Variants in ZC2HC1A observed in about 807,000 individuals in gnomAD.
ZC2HC1A encodes the protein zinc finger C2HC-type containing 1A.
Under a neutral mutation model 40.7 loss-of-function variants are expected in ZC2HC1A, and 28 were observed. The observed-to-expected ratio is 0.69, with a 90% CI of 0.51 to 0.94. ZC2HC1A has a LOEUF of 0.94. ZC2HC1A is among the 40% of genes least tolerant of loss of function. The pLI is 0.00. For missense variants in ZC2HC1A, 389 were observed against 386.3 expected, an observed-to-expected ratio of 1.01 and a Z score of -0.06; for synonymous variants, 129 against 129.2, an observed-to-expected ratio of 1.00 and a Z score of 0.01.
chr8:78,716,806 G>C (rs927476601), intron 8 of ZC2HC1A, among the ~76,000 whole-genome samples: 1 of 152,126 alleles, frequency 6.6e-6, no homozygotes, highest in Non-Finnish European at 1.5e-5. Flanking sequence ...ATTGGATCAT[G>C]GGGGTGGACT....
At chr8:78,709,956 A>G (rs1038709932) in intron 7 of ZC2HC1A, among the ~76,000 whole-genome samples, 1 of 152,156 alleles carries the variant, frequency 6.6e-6, no homozygotes, top group Non-Finnish European at 1.5e-5. Flanking sequence ...AGTACTTGCT[A>G]CACTCCTACA....
intron 7 of ZC2HC1A, among the ~76,000 whole-genome samples, chr8:78,710,287 A>G (rs1385159876): frequency 2.6e-5 from 4 of 152,166 alleles, no homozygotes; most frequent in Non-Finnish European, 5.9e-5. Context: ...TTTTGAATGT[A>G]CATATATATA....
chr8:78,674,316 T>C (rs1809514503), intron 1 of ZC2HC1A, among the ~76,000 whole-genome samples: 1 of 152,210 alleles, frequency 6.6e-6, no homozygotes. Context: ...TATGTGGTGC[T>C]TTTTAATATT....
intron 5 of ZC2HC1A, among the ~76,000 whole-genome samples, chr8:78,695,109 A>G (rs1201277871): frequency 6.6e-6 from 1 of 152,184 alleles, no homozygotes; most frequent in Non-Finnish European, 1.5e-5. Context: ...GGGGAGGTGA[A>G]TAATGTTTTA....
intron 7 of ZC2HC1A, among the ~76,000 whole-genome samples, chr8:78,699,180 G>C (rs1025299862): frequency 1.3e-5 from 2 of 152,148 alleles, no homozygotes; most frequent in African/African-American, 4.8e-5. Flanking sequence ...GATAGAAGCA[G>C]TGGGGTGATT....
intron 5 of ZC2HC1A, among the ~76,000 whole-genome samples, chr8:78,697,023 G>C (rs547179536): frequency 6.6e-6 from 1 of 152,250 alleles, no homozygotes; most frequent in South Asian, 2.1e-4. Flanking sequence ...TAGCAGTGGA[G>C]CATCTGAGAG....
chr8:78,697,783 A>G (rs1810475062), intron 6 of ZC2HC1A, among the ~76,000 whole-genome samples: 1 of 150,752 alleles, frequency 6.6e-6, no homozygotes, highest in African/African-American at 2.4e-5. Context: ...GGTTCAAATG[A>G]TTCTCCTGCC....
intron 2 of ZC2HC1A, among the ~76,000 whole-genome samples, chr8:78,677,648 CT>C (rs76888359): frequency 0.09 from 13,297 of 147,948 alleles, 738 homozygotes; most frequent in East Asian, 0.28. Flanking sequence ...TTAGTGGAGA[CT>C]TTTTTTTTTG....
At chr8:78,667,188 T>C (rs974147509) in intron 1 of ZC2HC1A, among the ~76,000 whole-genome samples, 1 of 152,224 alleles carries the variant, frequency 6.6e-6, no homozygotes, top group African/African-American at 2.4e-5. Context: ...CGGTAACTTT[T>C]TCAGTCACCT....
At chr8:78,680,072 T>A (rs1436074789) in intron 3 of ZC2HC1A, among the ~76,000 whole-genome samples, 1 of 152,144 alleles carries the variant, frequency 6.6e-6, no homozygotes, top group Non-Finnish European at 1.5e-5. Flanking sequence ...AATGTAATTA[T>A]GCTTCTGTTC....
intron 5 of ZC2HC1A, among the ~76,000 whole-genome samples, chr8:78,696,953 T>C (rs899295894): frequency 1.3e-5 from 2 of 152,350 alleles, no homozygotes. Flanking sequence ...GAGGAAGTTT[T>C]TTCCGTTAGA....
intron 2 of ZC2HC1A, 71 bp downstream of exon 2, chr8:78,675,934 C>T: frequency 7.5e-7 from 1 of 1,340,702 alleles, no homozygotes; most frequent in East Asian, 2.4e-5. Flanking sequence ...GGTCAATTCT[C>T]ATGGGAAGAA....
chr8:78,703,306 A>G (rs1415854916), intron 7 of ZC2HC1A, among the ~76,000 whole-genome samples: 1 of 152,158 alleles, frequency 6.6e-6, no homozygotes, highest in Non-Finnish European at 1.5e-5. Flanking sequence ...TCCAGTGCTG[A>G]GTTCAGGTCC....
intron 3 of ZC2HC1A, among the ~76,000 whole-genome samples, chr8:78,679,788 T>C (rs1418385693): frequency 6.6e-6 from 1 of 152,184 alleles, no homozygotes; most frequent in Non-Finnish European, 1.5e-5. Flanking sequence ...TAAAAAATCA[T>C]TTGATGATAG....
At chr8:78,710,518 T>G (rs1810919622) in intron 7 of ZC2HC1A, among the ~76,000 whole-genome samples, 2 of 152,096 alleles carry the variant, frequency 1.3e-5, no homozygotes, top group African/African-American at 4.8e-5. Flanking sequence ...TGACCATTTC[T>G]TATCATATAA....
In ZC2HC1A at chr8:78,689,130, A is replaced by G. The variant is rs928769144; in HGVS notation, c.353-92A>G. The G allele has an allele frequency of 8.3e-6, 8 of 965,502 alleles. No individual in the cohort carries two copies. In the African/African-American group the frequency reaches 1.4e-4, roughly 16 times the overall value. 59.8% of individuals were successfully genotyped at this position (965,502 alleles called of 1,614,324 possible). A position where few individuals can be genotyped will look rare whatever the true frequency, so the allele number is the denominator to read the frequency against. ...TTGCTTATCAGATGTTATTACTTAT[A>G]TTTTTTGAATGACTGCATAGAAACT... On this transcript the variant is annotated intron_variant, in intron 4 of 8. Coordinates refer to ENST00000263849, the MANE Select transcript of ZC2HC1A (RefSeq NM_016010.3).
In ZC2HC1A at chr8:78,678,654, C is replaced by T. The variant is rs750302785; in HGVS notation, c.185C>T (p.Pro62Leu). 11 of 1,610,716 alleles carry T rather than the reference C, an allele frequency of 6.8e-6. No homozygotes were observed. Among genetic ancestry groups the T allele is most frequent in the Non-Finnish European group, 9.3e-6 (11 of 1,178,736 alleles). ...CAGAGAGCTGAAGGAACTGATATTC[C>T]AACAGTAAAACCTCTCAAACCGAGG... ...SRQRAEGTDI[P>L]TVKPLKPRPE... The change falls in exon 3 of 9, where the codon CCA (proline) becomes CTA (leucine). Residue 62 changes from proline (P) to leucine (L), a missense_variant. Physicochemically the swap from Pro to Leu is moderately conservative, Grantham distance 98. Transcript: ENST00000263849.
intron 3 of ZC2HC1A, among the ~76,000 whole-genome samples, chr8:78,684,330 G>T (rs915019303): frequency 1.3e-5 from 2 of 152,194 alleles, no homozygotes; most frequent in Non-Finnish European, 2.9e-5. Flanking sequence ...AGAATCAAAG[G>T]CACATCTTAC....
At chr8:78,683,552 G>A (rs139685547) in intron 3 of ZC2HC1A, among the ~76,000 whole-genome samples, 3 of 152,222 alleles carry the variant, frequency 2.0e-5, no homozygotes, top group African/African-American at 4.8e-5. Context: ...ACAGTAGGGG[G>A]GCCCTGGACC....
Sources: allele counts gnomAD v4.1 joint callset (sites outside exome capture counted in the v4.1 genomes callset), GRCh38; gene constraint gnomAD v4.1.1; transcripts MANE v1.5; gene names NCBI Gene and HGNC (gene_info 2026-07-23, HGNC 2026-07-21).